SRPRA: variants seen among roughly 807,000 people sequenced by gnomAD.
SRPRA encodes signal recognition particle receptor subunit alpha.
A neutral mutation model predicts 61.1 loss-of-function variants in SRPRA; 30 were observed. That is an observed-to-expected ratio of 0.49 (90% CI 0.37 to 0.67). The LOEUF is 0.67. SRPRA is among the 30% of genes least tolerant of loss of function. The pLI is 0.00. For missense variants in SRPRA, 759 were observed against 828.4 expected (o/e 0.92, Z 1.03); for synonymous variants, 324 against 299.7 (o/e 1.08, Z -0.84).
chr11:126,254,840 A>T, the SRPRA span, among the ~76,000 whole-genome samples: 1 of 152,138 alleles, frequency 6.6e-6, no homozygotes, highest in Non-Finnish European at 1.5e-5. Context: ...AAAAAGAAAG[A>T]AACTGGAAAG....
At position 126,265,793 on chromosome 11, in the gene SRPRA, T is replaced by C. The variant is rs770449430; in HGVS notation, c.1082A>G (p.Gln361Arg). Residue 361 changes from glutamine to arginine, a missense_variant, in exon 9 of 14, where the codon CAG (glutamine) becomes CGG (arginine). Around this residue, in one of 2 missense-constraint regions of SRPRA, gnomAD observed 475 missense variants for 462.5 expected, o/e 1.03. Transcript: ENST00000332118. This position sits in a 1 kb window ranked among gnomAD's most constrained non-coding sequence, Gnocchi z 6.3. ...AKNVAADIAVQLCESVANKLE... is the reference protein window; with the variant it reads ...AKNVAADIAVRLCESVANKLE... ...CTTGTTGGCAACAGATTCACAGAGC[T>C]GGACGGCAATGTCTGCAGCCACGTT... The C allele has an allele frequency of 2.5e-6, 4 of 1,614,222 alleles. No individual in the cohort carries two copies. Among genetic ancestry groups the C allele is most frequent in the Non-Finnish European group, 3.4e-6 (4 of 1,180,038 alleles).
the SRPRA span, chr11:126,245,401 AGCC>A: frequency 4.6e-5 from 7 of 152,334 alleles, no homozygotes; most frequent in South Asian, 2.1e-4. Context: ...CTTACTACAG[AGCC>A]ACAGTAACTA....
the SRPRA span, among the ~76,000 whole-genome samples, chr11:126,247,309 C>T: frequency 6.6e-6 from 1 of 152,066 alleles, no homozygotes; most frequent in Non-Finnish European, 1.5e-5. Context: ...AGACAAACTT[C>T]CATTTTGAAT....
Position 126,262,956 on chromosome 11 carries a change from T to C in SRPRA, c.*960A>G, listed in dbSNP as rs1950733089. ...AAGGCAATTTATTTATGAAATTTAT[T>C]TTCTTATATAAATTACTTATTTCTC... On this transcript the variant is annotated 3_prime_UTR_variant, in exon 14 of 14. Coordinates refer to ENST00000332118, the MANE Select transcript of SRPRA (RefSeq NM_003139.4). 6.6e-6 allele frequency: 1 copy of C among 152,650 alleles called. No individual in the cohort carries two copies. Among genetic ancestry groups the C allele is most frequent in the African/African-American group, 2.4e-5 (1 of 41,452 alleles). 9.5% of individuals were successfully genotyped at this position (152,650 alleles called of 1,614,324 possible).
Position 126,268,810 on chromosome 11 carries a change from C to A in SRPRA, c.-6G>T. On this transcript the variant is annotated 5_prime_UTR_variant, in exon 1 of 14. Coordinates refer to ENST00000332118, the MANE Select transcript of SRPRA (RefSeq NM_003139.4). ...ATGGTGAAGAAGTCGAGCATGGCGG[C>A]AGCGGCAGAGGAGCTGGGGCCGGCG... 6.2e-7 allele frequency: 1 copy of A among 1,611,724 alleles called. No homozygotes were observed. The highest frequency in any genetic ancestry group is 8.5e-7 in the Non-Finnish European group (1 of 1,178,688).
In SRPRA at chr11:126,267,095, C is replaced by T. The variant is rs1468598670; in HGVS notation, c.526+80G>A. Reference sequence around the variant, plus strand: ...TGAGTGAGAAGCAGGTAAGCAATGACAAAAGGAAGGACCACCTCAGTCCTT... The same window carrying T: ...TGAGTGAGAAGCAGGTAAGCAATGATAAAAGGAAGGACCACCTCAGTCCTT... On this transcript the variant is annotated intron_variant, in intron 4 of 13. Transcript: ENST00000332118. The surrounding 1 kb of genome is among the most constrained non-coding windows in gnomAD (Gnocchi z 4.2). The T allele has an allele frequency of 1.9e-6, 3 of 1,569,670 alleles. No individual in the cohort carries two copies. Among genetic ancestry groups the T allele is most frequent in the African/African-American group, 2.7e-5 (2 of 73,350 alleles).
At chr11:126,256,071 G>A in the SRPRA span, among the ~76,000 whole-genome samples, 23 of 152,238 alleles carry the variant, frequency 1.5e-4, no homozygotes, top group Non-Finnish European at 3.1e-4. This position sits in a 1 kb window ranked among gnomAD's most constrained non-coding sequence, Gnocchi z 6.6. Flanking sequence ...GGGAGTACCA[G>A]ACCAGCCTGG....
downstream of SRPRA, chr11:126,261,259 C>T (rs1004256214): frequency 3.7e-5 from 22 of 600,984 alleles, no homozygotes; most frequent in African/African-American, 3.3e-4. Flanking sequence ...AAAGACTACT[C>T]CAGTTTATCC....
chr11:126,256,913 A>T, the SRPRA span: 1 of 1,503,502 alleles, frequency 6.7e-7, no homozygotes, highest in Non-Finnish European at 9.0e-7. The surrounding 1 kb of genome is among the most constrained non-coding windows in gnomAD (Gnocchi z 6.6). Context: ...CCTTTTGTGT[A>T]TTTGTGATGT....
At position 126,265,028 on chromosome 11, in the gene SRPRA, T is replaced by C; in HGVS notation, c.1456A>G (p.Met486Val). The C allele has an allele frequency of 6.2e-7, 1 of 1,614,186 alleles. No individual in the cohort carries two copies. The highest frequency in any genetic ancestry group is 1.6e-4 in the Middle Eastern group (1 of 6,062). ...TAGCCCTTTTCAAACAACTGCACCA[T>C]GGTGCGGCCACCATGCTTCTCTGGA... ...HPPEKHGGRT[M>V]VQLFEKGYGK... Residue 486 changes from methionine (M) to valine (V), a missense_variant, in exon 11 of 14, where the codon ATG becomes GTG. This residue lies in a region of SRPRA where 284 missense variants were observed against 365.9 expected (regional missense o/e 0.78). Transcript: ENST00000332118. The surrounding 1 kb of genome is among the most constrained non-coding windows in gnomAD (Gnocchi z 6.3).
Position 126,266,578 on chromosome 11 carries a change from C to G in SRPRA, c.738G>C (p.Arg246=), listed in dbSNP as rs368529699. 4 of 1,614,186 alleles carry G rather than the reference C, an allele frequency of 2.5e-6. No homozygotes were observed. In the South Asian group the frequency reaches 4.4e-5, roughly 18 times the overall value. The part of the protein sequence containing the change: ...APKEKGKKAP[R]VWELGGCANK... ...TAGCACAGCCACCCAGTTCCCACAC[C>G]CGGGGTGCTTTTTTGCCCTTCTCCT... Residue 246 remains arginine (R), a synonymous_variant, in exon 6 of 14, where the codon CGG becomes CGC. Coordinates refer to ENST00000332118, the MANE Select transcript of SRPRA (RefSeq NM_003139.4).
the SRPRA span, among the ~76,000 whole-genome samples, chr11:126,249,951 C>T: frequency 6.6e-6 from 1 of 152,034 alleles, no homozygotes; most frequent in Non-Finnish European, 1.5e-5. Flanking sequence ...TTATTTTCTT[C>T]ATTCTATAAA....
downstream of SRPRA, chr11:126,262,360 G>A (rs2135231379): frequency 1.8e-6 from 1 of 569,864 alleles, no homozygotes; most frequent in East Asian, 3.0e-5. Context: ...AGCGACAGCA[G>A]GACCCAAATG....
the SRPRA span, among the ~76,000 whole-genome samples, chr11:126,255,421 C>T: frequency 1.3e-4 from 20 of 152,090 alleles, no homozygotes; most frequent in Non-Finnish European, 2.5e-4. This position sits in a 1 kb window ranked among gnomAD's most constrained non-coding sequence, Gnocchi z 4.6. Flanking sequence ...TCTGCCATAA[C>T]TGCATCCATC....
At chr11:126,266,741 G>A in intron 5 of SRPRA, 22 bp downstream of exon 5, 1 of 1,613,004 alleles carries the variant, frequency 6.2e-7, no homozygotes, top group African/African-American at 1.3e-5. Flanking sequence ...TATTTTGAGA[G>A]TACTGGAGAA....
At chr11:126,252,676 G>A in the SRPRA span, among the ~76,000 whole-genome samples, 1 of 152,070 alleles carries the variant, frequency 6.6e-6, no homozygotes, top group African/African-American at 2.4e-5. The surrounding 1 kb of genome is among the most constrained non-coding windows in gnomAD (Gnocchi z 4.7). Flanking sequence ...TGAGGCAGTC[G>A]AGGCTACAGT....
chr11:126,253,309 T>C, the SRPRA span, among the ~76,000 whole-genome samples: 1 of 152,196 alleles, frequency 6.6e-6, no homozygotes, highest in Admixed American at 6.5e-5. This position sits in a 1 kb window ranked among gnomAD's most constrained non-coding sequence, Gnocchi z 5.1. Flanking sequence ...CTAGTAACAT[T>C]CAAATTCTAA....
At chr11:126,243,247 A>T in the SRPRA span, among the ~76,000 whole-genome samples, 2 of 152,228 alleles carry the variant, frequency 1.3e-5, no homozygotes, top group South Asian at 4.1e-4. Flanking sequence ...GAGTACTTCC[A>T]ACTCATTGTA....
chr11:126,254,516 ATC>A, the SRPRA span: 4 of 1,547,220 alleles, frequency 2.6e-6, no homozygotes, highest in Non-Finnish European at 3.5e-6. Context: ...AAAGGGGAAC[ATC>A]TTCTTTTCAT....
Sources: allele counts gnomAD v4.1 joint callset (sites outside exome capture counted in the v4.1 genomes callset), GRCh38; gene constraint gnomAD v4.1.1; regional missense constraint gnomAD v4.1.1; non-coding constraint Gnocchi (gnomAD v3.1); transcripts MANE v1.5; gene names NCBI Gene and HGNC (gene_info 2026-07-23, HGNC 2026-07-21).